CCSER1: variants seen among roughly 807,000 people sequenced by gnomAD.
The protein encoded by CCSER1 is coiled-coil serine rich protein 1.
Under a neutral mutation model 82.0 loss-of-function variants are expected in CCSER1, and 41 were observed. The observed-to-expected ratio is 0.50, with a 90% confidence interval of 0.39 to 0.65. The LOEUF (loss-of-function observed/expected upper bound fraction) is 0.65, where lower values mean the gene tolerates loss of function less well. CCSER1 is among the 30% of genes least tolerant of loss of function. The pLI is 0.00. For synonymous variants in CCSER1, 414 were observed against 383.9 expected, an observed-to-expected ratio of 1.08 and a Z score of -0.92; for missense variants, 1,119 against 1,064.2, an observed-to-expected ratio of 1.05 and a Z score of -0.72.
At position 90,308,970 on chromosome 4, in the gene CCSER1, CCTGTT is replaced by C; in HGVS notation, c.691_695del (p.Ser231GlyfsTer18). ...CCTGTATTAGTAAGAGCTTCGCCAT[CCTGTT>C]CTGTGGATGTAACAGAACGGGCAGG... On this transcript the variant is annotated frameshift_variant, in exon 2 of 11. Coordinates refer to ENST00000509176, the MANE Select transcript of CCSER1 (RefSeq NM_001145065.2). LOFTEE classifies it high-confidence loss of function. 1.2e-6 allele frequency: 2 copies of C among 1,613,848 alleles called. No homozygotes were observed. The highest frequency in any genetic ancestry group is 1.7e-4 in the Middle Eastern group (1 of 6,060).
chr4:91,448,070 A>T (rs1755669208), intron 10 of CCSER1, among the ~76,000 whole-genome samples: 1 of 152,116 alleles, frequency 6.6e-6, no homozygotes, highest in South Asian at 2.1e-4. Flanking sequence ...TAAGGCAATG[A>T]TCTACCTGAG....
intron 10 of CCSER1, among the ~76,000 whole-genome samples, chr4:91,577,615 T>C (rs910308249): frequency 3.3e-5 from 5 of 152,004 alleles, no homozygotes; most frequent in Non-Finnish European, 7.4e-5. Flanking sequence ...GAAAGGGTCT[T>C]GTAGAAACAC....
chr4:91,028,599 A>C (rs1236053034), intron 9 of CCSER1, among the ~76,000 whole-genome samples: 1 of 151,974 alleles, frequency 6.6e-6, no homozygotes. Context: ...TGACATAATG[A>C]ATATTAGCAA....
chr4:91,331,789 G>A (rs1407325027), intron 10 of CCSER1, among the ~76,000 whole-genome samples: 1 of 152,082 alleles, frequency 6.6e-6, no homozygotes, highest in Non-Finnish European at 1.5e-5. Flanking sequence ...TTTATCACAA[G>A]CTGCATGTAA....
chr4:90,700,547 C>A (rs1737862650), intron 6 of CCSER1, among the ~76,000 whole-genome samples: 1 of 152,170 alleles, frequency 6.6e-6, no homozygotes, highest in South Asian at 2.1e-4. Context: ...AGTTCTCGAT[C>A]CTTGAGGAAT....
rs560776929 is a variant in CCSER1 at position 91,223,720 on chromosome 4, T to C, written c.2217+137726T>C. Among the ~76,000 whole-genome samples the C allele has an allele frequency of 2.6e-5, 4 of 152,228 alleles. No individual in the cohort carries two copies. The South Asian group carries it at 8.3e-4, about 32-fold the overall frequency. The stretch of plus-strand genomic sequence containing the variant: ...AGATTGGAGACACATAATGGATTTA[T>C]TGAGGATGTCCAAAGAGTTTGGATT... On this transcript the variant is annotated intron_variant, in intron 10 of 10. Coordinates refer to ENST00000509176, the MANE Select transcript of CCSER1 (RefSeq NM_001145065.2).
rs1450721415 is a variant in CCSER1, at chr4:91,311,214, C to T, written c.2217+225220C>T. ...TGGCTAAAAATTCTTTAACCATTAG[C>T]TTTCAGGACTTTTAAGTACCTGCTA... On this transcript the variant is annotated intron_variant, in intron 10 of 10. Transcript: ENST00000509176. Among the ~76,000 whole-genome samples, 5 of 151,928 alleles carry T rather than the reference C, an allele frequency of 3.3e-5. No individual in the cohort carries two copies. The East Asian group carries it at 7.8e-4, about 24-fold the overall frequency.
intron 10 of CCSER1, among the ~76,000 whole-genome samples, chr4:91,465,296 T>C (rs1560693203): frequency 6.6e-6 from 1 of 152,180 alleles, no homozygotes; most frequent in Non-Finnish European, 1.5e-5. Flanking sequence ...AAAGATGTTC[T>C]TTGAAATCAA....
At chr4:90,923,341 T>C (rs1728653549) in intron 8 of CCSER1, 29 bp from the exon 9 acceptor site, 1 of 1,464,282 alleles carries the variant, frequency 6.8e-7, no homozygotes. Context: ...TCACCAACAA[T>C]GTGTTGTTGC....
intron 10 of CCSER1, among the ~76,000 whole-genome samples, chr4:91,378,580 T>C (rs1363710321): frequency 6.6e-6 from 1 of 152,234 alleles, no homozygotes; most frequent in Non-Finnish European, 1.5e-5. Flanking sequence ...AGAATGCTTG[T>C]GACTTTTGCA....
At chr4:91,220,304 C>A (rs872669) in intron 10 of CCSER1, among the ~76,000 whole-genome samples, 94,268 of 152,056 alleles carry the variant, frequency 0.62, 29,906 homozygotes, top group East Asian at 0.93. Flanking sequence ...AATGTATGCT[C>A]GTTTCTTGCA....
chr4:91,432,332 C>T (rs1028318512), intron 10 of CCSER1, among the ~76,000 whole-genome samples: 1 of 152,100 alleles, frequency 6.6e-6, no homozygotes, highest in Admixed American at 6.5e-5. Flanking sequence ...TTATAGACAT[C>T]TGTGAATAGA....
intron 10 of CCSER1, among the ~76,000 whole-genome samples, chr4:91,232,865 G>T (rs550572510): frequency 1.3e-5 from 2 of 151,808 alleles, no homozygotes; most frequent in South Asian, 2.1e-4. Context: ...CTCTATTACC[G>T]ATATGGGGAA....
At chr4:90,294,363 A>G in intron 1 of CCSER1, among the ~76,000 whole-genome samples, 1 of 152,032 alleles carries the variant, frequency 6.6e-6, no homozygotes, top group East Asian at 1.9e-4. Context: ...AGGAAAAAAA[A>G]TACAAAGTCT....
chr4:91,576,627 A>G (rs1006871672), intron 10 of CCSER1, among the ~76,000 whole-genome samples: 2 of 152,038 alleles, frequency 1.3e-5, no homozygotes, highest in Middle Eastern at 3.2e-3. Flanking sequence ...TTGCATATAC[A>G]TAATGATATA....
At chr4:90,479,522 C>A (rs189520126) in intron 5 of CCSER1, among the ~76,000 whole-genome samples, 2,168 of 152,112 alleles carry the variant, frequency 0.014, 22 homozygotes, top group Middle Eastern at 0.024. Flanking sequence ...GCTATCCCTC[C>A]CCGCTCCCCC....
chr4:90,290,901 C>T (rs1386978136), intron 1 of CCSER1, among the ~76,000 whole-genome samples: 4 of 151,956 alleles, frequency 2.6e-5, no homozygotes, highest in Admixed American at 6.6e-5. Flanking sequence ...TATGTAATAT[C>T]AGGATATCTT....
At chr4:90,465,699 A>T (rs1763532168) in intron 4 of CCSER1, among the ~76,000 whole-genome samples, 1 of 152,154 alleles carries the variant, frequency 6.6e-6, no homozygotes, top group South Asian at 2.1e-4. Context: ...TCAATAATTG[A>T]CAGAATTTGA....
intron 1 of CCSER1, among the ~76,000 whole-genome samples, chr4:90,291,261 C>G (rs1386350907): frequency 6.6e-6 from 1 of 151,962 alleles, no homozygotes; most frequent in Non-Finnish European, 1.5e-5. Flanking sequence ...TTGCATGTTT[C>G]TGAGTGAAGT....
Sources: gnomAD v4.1 joint callset for allele counts (sites outside exome capture counted in the v4.1 genomes callset) on GRCh38, gnomAD v4.1.1 for gene constraint, MANE v1.5 for transcripts, NCBI Gene and HGNC (gene_info 2026-07-23, HGNC 2026-07-21) for gene names.